Variants in PRKCZ observed in about 807,000 individuals in gnomAD.
The protein encoded by PRKCZ is protein kinase C zeta type.
Under a neutral mutation model 79.5 loss-of-function variants are expected in PRKCZ, and 33 were observed. The observed-to-expected ratio is 0.41, with a 90% CI of 0.31 to 0.55. The LOEUF is 0.55. Among genes scored for constraint, PRKCZ ranks in the 20% least tolerant of loss-of-function variants. PRKCZ has a pLI of 0.19. For missense variants in PRKCZ, 578 were observed against 813.5 expected, an observed-to-expected ratio of 0.71 and a Z score of 3.52; for synonymous variants, 342 against 320.9, an observed-to-expected ratio of 1.07 and a Z score of -0.70.
chr1:2,095,657 T>C (rs925925422), intron 4 of PRKCZ, among the ~76,000 whole-genome samples: 30 of 152,016 alleles, frequency 2.0e-4, no homozygotes, highest in Admixed American at 4.6e-4. Flanking sequence ...CAGCCTGGCA[T>C]GGGCTCACGT....
Position 2,050,680 on chromosome 1 carries a change from G to C in PRKCZ, c.50G>C (p.Arg17Pro). 8.2e-7 allele frequency: 1 copy of C among 1,226,840 alleles called. No individual in the cohort carries two copies. Among genetic ancestry groups the C allele is most frequent in the Non-Finnish European group, 1.0e-6 (1 of 984,544 alleles). The allele number at this position is 1,226,840 out of a possible 1,614,324, so 76.0% of individuals were successfully genotyped here. Residue 17 changes from arginine to proline, a missense_variant, in exon 1 of 18, where the codon CGC becomes CCC. Physicochemically the swap from Arg to Pro is moderately radical, Grantham distance 103. This residue lies in a region of PRKCZ where 228 missense variants were observed against 211.6 expected (regional missense o/e 1.08). Transcript: ENST00000378567. Reference sequence around the variant, plus strand: ...ATGGAAGGGAGCGGCGGCCGCGTCCGCCTCAAGGCGCATTACGGGGGGTGA... The same window carrying C: ...ATGGAAGGGAGCGGCGGCCGCGTCCCCCTCAAGGCGCATTACGGGGGGTGA... Reference protein sequence around the residue: ...PKMEGSGGRVRLKAHYGGDIF... With the variant: ...PKMEGSGGRVPLKAHYGGDIF...
At chr1:2,116,912 C>T (rs1339772345) in intron 4 of PRKCZ, among the ~76,000 whole-genome samples, 2 of 151,944 alleles carry the variant, frequency 1.3e-5, no homozygotes, top group South Asian at 2.1e-4. Context: ...GTTTCCAATC[C>T]GTGAACATAT....
chr1:2,140,264 C>T (rs1229166605), intron 5 of PRKCZ, among the ~76,000 whole-genome samples: 1 of 152,232 alleles, frequency 6.6e-6, no homozygotes, highest in African/African-American at 2.4e-5. Context: ...GCAGGATATC[C>T]TGAGTCCAAG....
intron 4 of PRKCZ, among the ~76,000 whole-genome samples, chr1:2,109,430 C>T (rs1044526898): frequency 2.0e-5 from 3 of 152,186 alleles, no homozygotes; most frequent in Non-Finnish European, 4.4e-5. Flanking sequence ...GTGGTGCACA[C>T]GATACCTGCT....
At position 2,181,523 on chromosome 1, in the gene PRKCZ, A is replaced by C. The variant is rs1296476426; in HGVS notation, c.1576-3060A>C. 2.0e-5 allele frequency among the ~76,000 whole-genome samples: 3 copies of C among 152,228 alleles called. No individual in the cohort carries two copies. The East Asian group carries it at 5.8e-4, about 29-fold the overall frequency. ...TTGGGCGCAGGGGGCGGCGGTGGGA[A>C]AAGGTGTCAGGCACCATGGGTCCCG... On this transcript the variant is annotated intron_variant, in intron 16 of 17. Transcript: ENST00000378567.
intron 1 of PRKCZ, among the ~76,000 whole-genome samples, chr1:2,054,820 G>T (rs1215611690): frequency 6.6e-6 from 1 of 152,054 alleles, no homozygotes; most frequent in Non-Finnish European, 1.5e-5. Context: ...ACGAGTGCCC[G>T]ACCAGGTAAC....
At chr1:2,102,783 G>T (rs1667720348) in intron 4 of PRKCZ, among the ~76,000 whole-genome samples, 1 of 152,168 alleles carries the variant, frequency 6.6e-6, no homozygotes, top group African/African-American at 2.4e-5. Flanking sequence ...GTCACGGATT[G>T]GTTCAGAACC....
At chr1:2,063,832 C>T (rs1367205498) in intron 4 of PRKCZ, among the ~76,000 whole-genome samples, 15 of 149,840 alleles carry the variant, frequency 1.0e-4, no homozygotes, top group African/African-American at 3.4e-4. Flanking sequence ...TTTCATGTGC[C>T]TGTTGGCCAT....
At chr1:2,077,045 T>C (rs1662556388) in intron 4 of PRKCZ, among the ~76,000 whole-genome samples, 2 of 152,162 alleles carry the variant, frequency 1.3e-5, no homozygotes, top group South Asian at 2.1e-4. Context: ...TTGTTCCCCC[T>C]GAGAGAGGAT....
chr1:2,121,094 G>A (rs1425219123), intron 4 of PRKCZ, among the ~76,000 whole-genome samples: 1 of 152,306 alleles, frequency 6.6e-6, no homozygotes, highest in Non-Finnish European at 1.5e-5. Context: ...GATTACAGGC[G>A]TGAGCCACTG....
At chr1:2,138,581 T>C (rs533077179) in intron 5 of PRKCZ, among the ~76,000 whole-genome samples, 4 of 151,448 alleles carry the variant, frequency 2.6e-5, no homozygotes, top group African/African-American at 9.7e-5. Context: ...GGGGGTGAGG[T>C]GGGTAGGAAT....
At chr1:2,130,180 A>T (rs575302675) in intron 4 of PRKCZ, among the ~76,000 whole-genome samples, 3 of 152,312 alleles carry the variant, frequency 2.0e-5, no homozygotes, top group South Asian at 2.1e-4. Context: ...TAGTGGGGTT[A>T]CAAGCATGAG....
At chr1:2,101,347 C>A (rs970219116) in intron 4 of PRKCZ, among the ~76,000 whole-genome samples, 1 of 152,164 alleles carries the variant, frequency 6.6e-6, no homozygotes, top group African/African-American at 2.4e-5. Context: ...CGGGCATCTC[C>A]CCTCCTCGCC....
intron 10 of PRKCZ, among the ~76,000 whole-genome samples, chr1:2,167,392 G>C (rs3128308): frequency 0.094 from 14,354 of 152,202 alleles, 728 homozygotes; most frequent in Middle Eastern, 0.12. Flanking sequence ...CATTGGCTTT[G>C]TCCCCGTCCT....
intron 7 of PRKCZ, among the ~76,000 whole-genome samples, chr1:2,146,914 G>T (rs991004553): frequency 1.3e-5 from 2 of 151,958 alleles, no homozygotes; most frequent in Non-Finnish European, 2.9e-5. Context: ...CAACCAACCA[G>T]CCCTCATCCA....
intron 5 of PRKCZ, chr1:2,142,906 GC>G (rs1458404787): frequency 6.6e-6 from 1 of 152,326 alleles, no homozygotes; most frequent in African/African-American, 2.4e-5. Context: ...CGCACCTGAT[GC>G]CCACATGTGC....
chr1:2,126,838 G>A (rs541530593), intron 4 of PRKCZ, among the ~76,000 whole-genome samples: 58 of 152,332 alleles, frequency 3.8e-4, no homozygotes, highest in African/African-American at 1.3e-3. Context: ...CAGGGACACG[G>A]CCGCCCATCC....
chr1:2,184,223 C>G (rs1360032351), intron 16 of PRKCZ: 1 of 267,872 alleles, frequency 3.7e-6, no homozygotes, highest in Non-Finnish European at 7.3e-6. Context: ...CCTTTATGGT[C>G]AGGGTTCCAA....
At chr1:2,074,587 T>C (rs1369300233) in intron 4 of PRKCZ, 3 of 505,190 alleles carry the variant, frequency 5.9e-6, no homozygotes, top group Admixed American at 3.5e-5. Flanking sequence ...AGGCCTGCGG[T>C]CTTTCCGTCT....
Sources: allele counts gnomAD v4.1 joint callset (sites outside exome capture counted in the v4.1 genomes callset), GRCh38; gene constraint gnomAD v4.1.1; regional missense constraint gnomAD v4.1.1; transcripts MANE v1.5; gene names NCBI Gene and HGNC (gene_info 2026-07-23, HGNC 2026-07-21).